CACNB4: variants seen among roughly 807,000 people sequenced by gnomAD.
CACNB4 encodes calcium voltage-gated channel auxiliary subunit beta 4, also known as voltage-dependent L-type calcium channel subunit beta-4.
Under a neutral mutation model 71.2 loss-of-function variants are expected in CACNB4, and 32 were observed. The observed-to-expected ratio is 0.45, with a 90% CI of 0.34 to 0.60. The LOEUF (loss-of-function observed/expected upper bound fraction) is 0.60. Among genes scored for constraint, CACNB4 ranks in the 20% least tolerant of loss-of-function variants. The pLI, the probability that CACNB4 is intolerant of heterozygous loss-of-function variation, is 0.01. For synonymous variants in CACNB4, 231 were observed against 236.9 expected (o/e 0.97, Z 0.23); for missense variants, 464 against 647.9 (o/e 0.72, Z 3.08).
chr2:152,028,150 T>G (rs566283668), intron 2 of CACNB4, among the ~76,000 whole-genome samples: 19 of 152,116 alleles, frequency 1.2e-4, no homozygotes, highest in Non-Finnish European at 2.1e-4. Flanking sequence ...GGGCATGACC[T>G]ACAATCCCCT....
intron 2 of CACNB4, among the ~76,000 whole-genome samples, chr2:152,003,232 C>G (rs1277060236): frequency 6.6e-6 from 1 of 151,894 alleles, no homozygotes; most frequent in Non-Finnish European, 1.5e-5. Context: ...TGCCTGAGGT[C>G]AGGAGTTCAA....
At chr2:151,942,460 T>C (rs1421398133) in intron 2 of CACNB4, among the ~76,000 whole-genome samples, 1 of 148,978 alleles carries the variant, frequency 6.7e-6, no homozygotes, top group Non-Finnish European at 1.5e-5. Flanking sequence ...GTAAAACATG[T>C]GTGTTTGAAC....
chr2:152,090,852 C>T (rs541596175), intron 2 of CACNB4, among the ~76,000 whole-genome samples: 33 of 151,950 alleles, frequency 2.2e-4, no homozygotes, highest in Non-Finnish European at 4.1e-4. Context: ...TCAAGACCAG[C>T]CTGGCCAACA....
intron 2 of CACNB4, among the ~76,000 whole-genome samples, chr2:152,051,007 G>T (rs1685399611): frequency 6.6e-6 from 1 of 151,984 alleles, no homozygotes; most frequent in Non-Finnish European, 1.5e-5. Flanking sequence ...GAGCTTAAGT[G>T]ATCTGCGCAC....
chr2:151,957,268 G>A lies in CACNB4; in HGVS notation c.148-73898C>T, dbSNP rs866978867. 6.8e-3 allele frequency among the ~76,000 whole-genome samples: 993 copies of A among 146,118 alleles called. 10 individuals carry two copies. The highest frequency in any genetic ancestry group is 0.011 in the Non-Finnish European group (732 of 64,490). ...GTAGAGTGGCTGGGCGTGTGTGTGT[G>A]TGTGTGTGTGTGTGTGTGTGTGTGT... is the stretch of plus-strand genomic sequence containing the variant. On this transcript the variant is annotated intron_variant, in intron 2 of 13. Coordinates refer to ENST00000539935, the MANE Select transcript of CACNB4 (RefSeq NM_000726.5).
chr2:151,850,775 A>G (rs528666700), intron 12 of CACNB4: 1 of 152,356 alleles, frequency 6.6e-6, no homozygotes, highest in Non-Finnish European at 1.5e-5. Flanking sequence ...AAGAAACCAG[A>G]CTACCTTTGT....
At chr2:152,030,504 C>T (rs1169468470) in intron 2 of CACNB4, among the ~76,000 whole-genome samples, 1 of 152,152 alleles carries the variant, frequency 6.6e-6, no homozygotes, top group African/African-American at 2.4e-5. Flanking sequence ...TACATGTGCA[C>T]AACGTGCAGG....
chr2:152,049,979 G>A (rs141952869), intron 2 of CACNB4, among the ~76,000 whole-genome samples: 4 of 152,266 alleles, frequency 2.6e-5, no homozygotes, highest in Non-Finnish European at 5.9e-5. Flanking sequence ...CCAGACCACA[G>A]TATGGAGATG....
chr2:151,971,978 C>A, intron 2 of CACNB4: 1 of 191,986 alleles, frequency 5.2e-6, no homozygotes, highest in Non-Finnish European at 1.1e-5. Context: ...CACTACCCGC[C>A]ATCAACTACT....
At chr2:151,840,315 G>C (rs779389751) in intron 13 of CACNB4, among the ~76,000 whole-genome samples, 47 of 152,166 alleles carry the variant, frequency 3.1e-4, no homozygotes, top group Non-Finnish European at 6.0e-4. Flanking sequence ...AATTGTTACT[G>C]GGAGAAGAAA....
At chr2:152,039,201 G>A (rs571899084) in intron 2 of CACNB4, among the ~76,000 whole-genome samples, 2 of 152,144 alleles carry the variant, frequency 1.3e-5, no homozygotes, top group African/African-American at 2.4e-5. Flanking sequence ...GATGGATCAC[G>A]AGGTCAGGAG....
intron 12 of CACNB4, among the ~76,000 whole-genome samples, chr2:151,843,265 CAA>C (rs1202369018): frequency 6.6e-6 from 1 of 152,238 alleles, no homozygotes; most frequent in African/African-American, 2.4e-5. Flanking sequence ...TGGCACCACA[CAA>C]AGAGAAAAGT....
chr2:152,039,309 C>T (rs188342499), intron 2 of CACNB4, among the ~76,000 whole-genome samples: 7 of 151,440 alleles, frequency 4.6e-5, no homozygotes, highest in Admixed American at 1.3e-4. Flanking sequence ...CCTAGCTACT[C>T]GGGAGGCTGA....
intron 2 of CACNB4, among the ~76,000 whole-genome samples, chr2:151,944,478 A>G (rs2099865085): frequency 1.3e-5 from 2 of 152,194 alleles, no homozygotes; most frequent in African/African-American, 4.8e-5. Context: ...GGTATTAAAC[A>G]GGAGAGAGAC....
chr2:151,934,933 A>G (rs909911810), intron 2 of CACNB4, among the ~76,000 whole-genome samples: 11 of 152,262 alleles, frequency 7.2e-5, no homozygotes, highest in Admixed American at 7.2e-4. Flanking sequence ...AATTCATGTT[A>G]TGACTAAACA....
intron 12 of CACNB4, chr2:151,852,809 G>A (rs1341176393): frequency 6.6e-6 from 1 of 152,274 alleles, no homozygotes; most frequent in Non-Finnish European, 1.5e-5. Flanking sequence ...CATAGGCACA[G>A]AAATAGTAAG....
At chr2:152,077,802 AAG>A (rs1212543429) in intron 2 of CACNB4, among the ~76,000 whole-genome samples, 3 of 152,214 alleles carry the variant, frequency 2.0e-5, no homozygotes, top group Admixed American at 6.5e-5. Context: ...AAGATGAAGT[AAG>A]AGAGTCTGAC....
intron 2 of CACNB4, among the ~76,000 whole-genome samples, chr2:152,082,173 C>G (rs1687392630): frequency 6.6e-6 from 1 of 152,254 alleles, no homozygotes; most frequent in Non-Finnish European, 1.5e-5. Context: ...ACAGCCCACT[C>G]TATTCTTTGC....
chr2:151,920,623 AG>A lies in CACNB4; in HGVS notation c.148-37254del, dbSNP rs1208997434. 2.6e-5 allele frequency among the ~76,000 whole-genome samples: 4 copies of A among 152,000 alleles called. No individual in the cohort carries two copies. The East Asian group carries it at 7.8e-4, about 29-fold the overall frequency. On this transcript the variant is annotated intron_variant, in intron 2 of 13. Transcript: ENST00000539935. Reference sequence around the variant, plus strand: ...GGGTTACAGGCATGAGCACTATGCCAGGCCCAGTCTAGAGTCTTTGTAGTAA... The same window carrying A: ...GGGTTACAGGCATGAGCACTATGCCAGCCCAGTCTAGAGTCTTTGTAGTAA...
Sources: gnomAD v4.1 joint callset for allele counts (sites outside exome capture counted in the v4.1 genomes callset) on GRCh38, gnomAD v4.1.1 for gene constraint, MANE v1.5 for transcripts, NCBI Gene and HGNC (gene_info 2026-07-23, HGNC 2026-07-21) for gene names.